The following B4GALNT2 variants were observed in gnomAD, a reference collection of about 807,000 sequenced individuals.
B4GALNT2 encodes the protein beta-1,4-N-acetyl-galactosaminyltransferase 2 (SID blood group).
B4GALNT2 carries 42 observed loss-of-function variants against 51.1 expected under a neutral mutation model. That is an observed-to-expected ratio of 0.82 (90% CI 0.64 to 1.06). The LOEUF is 1.06. Among genes scored for constraint, B4GALNT2 ranks in the 50% least tolerant of loss-of-function variants. The pLI, the probability that B4GALNT2 is intolerant of heterozygous loss-of-function variation, is 0.00. For missense variants in B4GALNT2, 602 were observed against 633.6 expected (o/e 0.95, Z 0.54); for synonymous variants, 253 against 251.7 (o/e 1.01, Z -0.05).
chr17:49,155,085 G>A (rs1448995371), intron 4 of B4GALNT2, among the ~76,000 whole-genome samples: 1 of 151,972 alleles, frequency 6.6e-6, no homozygotes, highest in Non-Finnish European at 1.5e-5. Context: ...GAGGCGGATG[G>A]ATCACTTGAG....
the B4GALNT2 span, among the ~76,000 whole-genome samples, chr17:49,120,785 C>T: frequency 4.5e-3 from 687 of 152,082 alleles, 7 homozygotes; most frequent in African/African-American, 0.015. Context: ...GCTGGGAATA[C>T]GGGTGTGAGC....
the B4GALNT2 span, among the ~76,000 whole-genome samples, chr17:49,121,967 T>C: frequency 6.6e-6 from 1 of 152,244 alleles, no homozygotes; most frequent in Non-Finnish European, 1.5e-5. Flanking sequence ...GGCCAATTTC[T>C]GTCAGGAGTG....
At chr17:49,149,036 C>G (rs2042724577) in intron 3 of B4GALNT2, 1 of 146,874 alleles carries the variant, frequency 6.8e-6, no homozygotes, top group Admixed American at 7.1e-5. Context: ...AGTCTGGCGA[C>G]AGAGCGAGAC....
In B4GALNT2 at chr17:49,132,880, C is replaced by A; in HGVS notation, c.14+74C>A. 6 of 1,374,974 alleles carry A rather than the reference C, an allele frequency of 4.4e-6. No homozygotes were observed. The South Asian group carries it at 9.1e-5, about 21-fold the overall frequency. 85.2% of individuals were successfully genotyped at this position (1,374,974 alleles called of 1,614,324 possible). ...AGGGAGCGCCGCGGGTCCTTTCTGG[C>A]GTCTGCAGAGCGGGCAGGTGCTGGG... On this transcript the variant is annotated intron_variant, in intron 1 of 10. Coordinates refer to ENST00000393354, the MANE Select transcript of B4GALNT2 (RefSeq NM_001159387.2).
chr17:49,123,430 A>T, the B4GALNT2 span, among the ~76,000 whole-genome samples: 7 of 152,382 alleles, frequency 4.6e-5, no homozygotes, highest in African/African-American at 1.7e-4. Context: ...ATTGAAAAAC[A>T]TTTGGCAACA....
At chr17:49,143,736 C>T (rs574324870) in intron 3 of B4GALNT2, among the ~76,000 whole-genome samples, 39 of 152,296 alleles carry the variant, frequency 2.6e-4, no homozygotes, top group African/African-American at 6.7e-4. Flanking sequence ...TCTAACAGCA[C>T]GGTGCTGGCA....
At position 49,173,518 on chromosome 17, in the gene B4GALNT2, T is replaced by A. The variant is rs149534204; in HGVS notation, c.*3790T>A. On this transcript the variant is annotated 3_prime_UTR_variant, in exon 11 of 11. Coordinates refer to ENST00000393354, the MANE Select transcript of B4GALNT2 (RefSeq NM_001159387.2). ...AATCCAATTAGTTAATTTCAAAAAT[T>A]GAAACAATTTTGTTTTGGGAAAATG... is the stretch of plus-strand genomic sequence containing the variant. 2.0e-4 allele frequency: 31 copies of A among 152,346 alleles called. No homozygotes were observed. The highest frequency in any genetic ancestry group is 5.5e-4 in the African/African-American group (23 of 41,578). 9.4% of individuals were successfully genotyped at this position (152,346 alleles called of 1,614,324 possible). A position where few individuals can be genotyped will look rare whatever the true frequency, so the allele number is the denominator to read the frequency against.
chr17:49,164,329 G>A (rs2042891903), intron 8 of B4GALNT2, 54 bp downstream of exon 8: 2 of 1,526,872 alleles, frequency 1.3e-6, no homozygotes, highest in Admixed American at 3.4e-5. Flanking sequence ...GAGGGCCCCA[G>A]GGTCAGGTTC....
At chr17:49,121,670 C>T in the B4GALNT2 span, among the ~76,000 whole-genome samples, 7 of 152,088 alleles carry the variant, frequency 4.6e-5, no homozygotes, top group Non-Finnish European at 8.8e-5. Context: ...GAAATGGGTC[C>T]ACAGCCAGGG....
Position 49,139,317 on chromosome 17 carries a change from T to C in B4GALNT2, c.15-1930T>C, listed in dbSNP as rs79989238. ...GCAGTGGTGCAGTTTTGACTCACTA[T>C]ATCCTTCGCCCTCCGGGCTCAAGTG... On this transcript the variant is annotated intron_variant, in intron 1 of 10. Coordinates refer to ENST00000393354, the MANE Select transcript of B4GALNT2 (RefSeq NM_001159387.2). Among the ~76,000 whole-genome samples the C allele has an allele frequency of 8.7e-3, 1,323 of 152,000 alleles. 22 individuals carry two copies. The highest frequency in any genetic ancestry group is 0.03 in the African/African-American group (1,247 of 41,486).
chr17:49,134,639 G>A (rs905479197), intron 1 of B4GALNT2, among the ~76,000 whole-genome samples: 24 of 152,156 alleles, frequency 1.6e-4, no homozygotes, highest in Admixed American at 8.5e-4. Context: ...CCAGGCTGGA[G>A]TGCAGTGGCG....
In B4GALNT2 at chr17:49,175,846, A is replaced by G. The variant is rs2042984023; in HGVS notation, c.*6118A>G. ...TGTCCTCTGGAAAAGAAAGATCTGT[A>G]GGGTCAGGTCACTCTTTTTCTTCAA... is the stretch of plus-strand genomic sequence containing the variant. On this transcript the variant is annotated 3_prime_UTR_variant, in exon 11 of 11. Transcript: ENST00000393354. The G allele has an allele frequency of 1.3e-5, 2 of 152,166 alleles. No homozygotes were observed. The highest frequency in any genetic ancestry group is 1.5e-5 in the Non-Finnish European group (1 of 68,022). The allele number at this position is 152,166 out of a possible 1,614,324, so 9.4% of individuals were successfully genotyped here. A position where few individuals can be genotyped will look rare whatever the true frequency, so the allele number is the denominator to read the frequency against.
chr17:49,125,625 C>A, the B4GALNT2 span, among the ~76,000 whole-genome samples: 2 of 150,456 alleles, frequency 1.3e-5, no homozygotes, highest in Admixed American at 6.6e-5. Context: ...ATGTGGGGAG[C>A]GCCTCTGCCC....
intron 7 of B4GALNT2, among the ~76,000 whole-genome samples, chr17:49,161,808 G>C (rs1199503361): frequency 6.6e-6 from 1 of 150,638 alleles, no homozygotes; most frequent in Non-Finnish European, 1.5e-5. Context: ...AGTGAGCCGA[G>C]ATCCTGCCAC....
intron 1 of B4GALNT2, among the ~76,000 whole-genome samples, chr17:49,137,970 G>A (rs2042605237): frequency 6.6e-6 from 1 of 152,186 alleles, no homozygotes; most frequent in Non-Finnish European, 1.5e-5. Flanking sequence ...TGGTACAAAT[G>A]CAGTAGATAT....
At chr17:49,152,752 G>A in intron 3 of B4GALNT2, 48 bp from the exon 4 acceptor site, 2 of 1,344,926 alleles carry the variant, frequency 1.5e-6, no homozygotes, top group South Asian at 2.6e-5. Context: ...AACGAACCAG[G>A]GACCAGCATC....
chr17:49,159,274 C>G, intron 6 of B4GALNT2, 57 bp downstream of exon 6: 2 of 1,537,160 alleles, frequency 1.3e-6, no homozygotes, highest in Non-Finnish European at 1.8e-6. Context: ...TACCTCTGGG[C>G]CCTTTCAAAG....
At chr17:49,147,721 A>G (rs1024021078) in intron 3 of B4GALNT2, among the ~76,000 whole-genome samples, 1 of 152,100 alleles carries the variant, frequency 6.6e-6, no homozygotes, top group African/African-American at 2.4e-5. Flanking sequence ...TACCACTGCT[A>G]TTCTCGTCCC....
intron 5 of B4GALNT2, 115 bp downstream of exon 5, chr17:49,156,718 C>G: frequency 3.3e-6 from 4 of 1,199,050 alleles, no homozygotes; most frequent in Non-Finnish European, 4.7e-6. Flanking sequence ...CAGACATGAG[C>G]CCAAGGAGGG....
Sources: allele counts gnomAD v4.1 joint callset (sites outside exome capture counted in the v4.1 genomes callset), GRCh38; gene constraint gnomAD v4.1.1; transcripts MANE v1.5; gene names NCBI Gene and HGNC (gene_info 2026-07-23, HGNC 2026-07-21).